Variants in ZBTB7A observed in about 807,000 individuals in gnomAD.
ZBTB7A encodes zinc finger and BTB domain-containing protein 7A.
A neutral mutation model predicts 26.7 loss-of-function variants in ZBTB7A; 7 were observed. The ratio of observed to expected loss-of-function variants is 0.26; its 90% CI spans 0.15 to 0.49. ZBTB7A has a LOEUF of 0.49. Among genes scored for constraint, ZBTB7A ranks in the 20% least tolerant of loss-of-function variants. ZBTB7A has a pLI of 0.98. For missense variants in ZBTB7A, 617 were observed against 919.5 expected (o/e 0.67, Z 4.25); for synonymous variants, 452 against 441.0 (o/e 1.02, Z -0.31).
rs2040452476 is a variant in ZBTB7A at position 4,048,417 on chromosome 19, TG to T, written c.1263-174del. Among the ~76,000 whole-genome samples the T allele has an allele frequency of 6.6e-6, 1 of 151,714 alleles. No homozygotes were observed. Among genetic ancestry groups the T allele is most frequent in the Admixed American group, 6.6e-5 (1 of 15,254 alleles). ...ACGGTCCCTCGAAAAACGAGACGAG[TG>T]GGGGCGATTTCGCATTCTGAACATC... On this transcript the variant is annotated intron_variant, in intron 2 of 2. Coordinates refer to ENST00000322357, the MANE Select transcript of ZBTB7A (RefSeq NM_015898.4). The surrounding 1 kb of genome is among the most constrained non-coding windows in gnomAD (Gnocchi z 6.7).
rs1252264931 is a variant in ZBTB7A, at chr19:4,052,149, C to T, written c.1262+1822G>A. Among the ~76,000 whole-genome samples the T allele has an allele frequency of 2.0e-5, 3 of 152,138 alleles. No individual in the cohort carries two copies. Among genetic ancestry groups the T allele is most frequent in the Non-Finnish European group, 4.4e-5 (3 of 68,024 alleles). ...TTTCTCTGACTGAGGGGATCAGCCCCGGGTCGGGTGGGATAGCCAGCAGTG... is the reference window on the plus strand; with the variant it reads ...TTTCTCTGACTGAGGGGATCAGCCCTGGGTCGGGTGGGATAGCCAGCAGTG... On this transcript the variant is annotated intron_variant, in intron 2 of 2. Coordinates refer to ENST00000322357, the MANE Select transcript of ZBTB7A (RefSeq NM_015898.4). This position sits in a 1 kb window ranked among gnomAD's most constrained non-coding sequence, Gnocchi z 4.9.
In ZBTB7A at chr19:4,048,387, T is replaced by G; in HGVS notation, c.1263-143A>C. 8.2e-7 allele frequency: 1 copy of G among 1,222,756 alleles called. No homozygotes were observed. The highest frequency in any genetic ancestry group is 1.1e-6 in the Non-Finnish European group (1 of 936,926). 75.7% of individuals were successfully genotyped at this position (1,222,756 alleles called of 1,614,324 possible). ...TGCACCAGAGGTTTCGGTGCCCCGA[T>G]GGGGACGGTCCCTCGAAAAACGAGA... is the stretch of plus-strand genomic sequence containing the variant. On this transcript the variant is annotated intron_variant, in intron 2 of 2. Coordinates refer to ENST00000322357, the MANE Select transcript of ZBTB7A (RefSeq NM_015898.4). The surrounding 1 kb of genome is among the most constrained non-coding windows in gnomAD (Gnocchi z 6.7).
intron 2 of ZBTB7A, among the ~76,000 whole-genome samples, chr19:4,051,346 G>A (rs1254654248): frequency 6.6e-6 from 1 of 151,898 alleles, no homozygotes; most frequent in Non-Finnish European, 1.5e-5. Context: ...GTGGGGACTG[G>A]CAAACTCCTA....
chr19:4,058,702 G>T (rs1422055565), intron 1 of ZBTB7A, among the ~76,000 whole-genome samples: 1 of 151,776 alleles, frequency 6.6e-6, no homozygotes, highest in African/African-American at 2.4e-5. Flanking sequence ...CAGCCCAGCA[G>T]CTCAGGCAGG....
chr19:4,057,651 C>T (rs535437123), intron 1 of ZBTB7A, among the ~76,000 whole-genome samples: 4 of 151,698 alleles, frequency 2.6e-5, no homozygotes, highest in East Asian at 3.9e-4. Flanking sequence ...CCTGGTGGCG[C>T]GGGCCTATAG....
chr19:4,055,068 G>A lies in ZBTB7A; in HGVS notation c.165C>T (p.Cys55=). 6.2e-7 allele frequency: 1 copy of A among 1,610,470 alleles called. No homozygotes were observed. Among genetic ancestry groups the A allele is most frequent in the African/African-American group, 1.3e-5 (1 of 75,034 alleles). ...TGAACAGCTTCTTGAAGTACTGGCT[G>A]CAGGCGGCCAGCACCGAGCGGTGCG... ...FPTHRSVLAA[C]SQYFKKLFTS... is the part of the protein sequence containing the mutation. Residue 55 remains cysteine (C), a synonymous_variant, in exon 2 of 3, where the codon TGC becomes TGT. Transcript: ENST00000322357.
At chr19:4,061,173 C>T (rs1479335233) in intron 1 of ZBTB7A, among the ~76,000 whole-genome samples, 1 of 152,250 alleles carries the variant, frequency 6.6e-6, no homozygotes, top group African/African-American at 2.4e-5. Flanking sequence ...TTCACCACCC[C>T]TCACGGATGG....
chr19:4,057,854 G>C (rs2040597703), intron 1 of ZBTB7A, among the ~76,000 whole-genome samples: 1 of 151,594 alleles, frequency 6.6e-6, no homozygotes, highest in Non-Finnish European at 1.5e-5. Flanking sequence ...AACCCCACCG[G>C]CAGCACCCAC....
intron 1 of ZBTB7A, among the ~76,000 whole-genome samples, chr19:4,057,132 T>G (rs2040588721): frequency 6.7e-6 from 1 of 149,612 alleles, no homozygotes; most frequent in Non-Finnish European, 1.5e-5. Flanking sequence ...GCGGATCACC[T>G]AAGGTCTGGA....
At position 4,043,894 on chromosome 19, in the gene ZBTB7A, T is replaced by A. The variant is rs1366093234; in HGVS notation, c.*3858A>T. ...GGCTGCTTCAACTTAAATAACTTTTTAAAATAAAACTGCAAATATAAATAT... is the reference window on the plus strand; with the variant it reads ...GGCTGCTTCAACTTAAATAACTTTTAAAAATAAAACTGCAAATATAAATAT... On this transcript the variant is annotated 3_prime_UTR_variant, in exon 3 of 3. Transcript: ENST00000322357. 1.3e-5 allele frequency among the ~76,000 whole-genome samples: 2 copies of A among 149,726 alleles called. No individual in the cohort carries two copies. The highest frequency in any genetic ancestry group is 1.5e-5 in the Non-Finnish European group (1 of 67,428).
In ZBTB7A at chr19:4,047,979, G is replaced by A. The variant is rs540793033; in HGVS notation, c.1528C>T (p.Pro510Ser). The change falls in exon 3 of 3, where the codon CCC becomes TCC. Residue 510 changes from proline (P) to serine (S), a missense_variant. By Grantham distance (74) the Pro-to-Ser change is moderately conservative. Coordinates refer to ENST00000322357, the MANE Select transcript of ZBTB7A (RefSeq NM_015898.4). ...KPRVRGGAPD[P>S]SPGATATPGA... ...GGGGTCGCGGTGGCCCCCGGGCTGG[G>A]GTCGGGCGCCCCGCCCCGGACGCGG... is the stretch of plus-strand genomic sequence containing the variant. 1 of 1,239,444 alleles carries A rather than the reference G, an allele frequency of 8.1e-7. No individual in the cohort carries two copies. The allele number at this position is 1,239,444 out of a possible 1,614,324, so 76.8% of individuals were successfully genotyped here.
At chr19:4,064,539 T>C (rs2040671899) in intron 1 of ZBTB7A, among the ~76,000 whole-genome samples, 1 of 152,220 alleles carries the variant, frequency 6.6e-6, no homozygotes, top group African/African-American at 2.4e-5. Context: ...CCCCGGGACC[T>C]CTCCCAGACC....
Position 4,057,330 on chromosome 19 carries a change from C to T in ZBTB7A, c.-15-2083G>A, listed in dbSNP as rs113656519. Among the ~76,000 whole-genome samples the T allele has an allele frequency of 1.3e-3, 192 of 152,030 alleles. 1 individual carries two copies. In the South Asian group the frequency reaches 0.015, roughly 12 times the overall value. On this transcript the variant is annotated intron_variant, in intron 1 of 2. Coordinates refer to ENST00000322357, the MANE Select transcript of ZBTB7A (RefSeq NM_015898.4). The stretch of plus-strand genomic sequence containing the variant: ...TGTACTCCAGCCTGGGCAACAAGAG[C>T]GAAACTCCGTGTTGGAAAAATAAAT...
intron 1 of ZBTB7A, 73 bp from the exon 2 acceptor site, chr19:4,055,320 C>T (rs953761771): frequency 1.1e-5 from 15 of 1,421,544 alleles, no homozygotes; most frequent in Middle Eastern, 2.1e-4. Context: ...GACAAGGGCC[C>T]GAGGCCCTTG....
rs943617041 is a variant in ZBTB7A at position 4,054,483 on chromosome 19, G to A, written c.750C>T (p.Asp250=). The A allele has an allele frequency of 4.3e-6, 6 of 1,385,550 alleles. No individual in the cohort carries two copies. In the African/African-American group the frequency reaches 7.7e-5, roughly 18 times the overall value. The allele number at this position is 1,385,550 out of a possible 1,614,324, so 85.8% of individuals were successfully genotyped here. The part of the protein sequence containing the change: ...NPGLWPERDE[D]APTGGLFPPP... ...GCGGAAAGAGACCCCCGGTGGGGGC[G>A]TCCTCATCCCGCTCTGGCCACAGAC... The change falls in exon 2 of 3, where the codon GAC becomes GAT. Residue 250 remains aspartate, a synonymous_variant. Coordinates refer to ENST00000322357, the MANE Select transcript of ZBTB7A (RefSeq NM_015898.4).
In ZBTB7A at chr19:4,047,008, C is replaced by T. The variant is rs1474388722; in HGVS notation, c.*744G>A. 6.6e-6 allele frequency: 1 copy of T among 151,728 alleles called. No homozygotes were observed. The highest frequency in any genetic ancestry group is 1.5e-5 in the Non-Finnish European group (1 of 67,922). The allele number at this position is 151,728 out of a possible 1,614,324, so 9.4% of individuals were successfully genotyped here. ...GCCGTGAAGGAAGGCGGCAGGAGCA[C>T]CCCCAGGAGCCATCCTGGCGCCCCA... On this transcript the variant is annotated 3_prime_UTR_variant, in exon 3 of 3. Transcript: ENST00000322357.
At chr19:4,062,655 C>T (rs921641107) in intron 1 of ZBTB7A, 3 of 152,202 alleles carry the variant, frequency 2.0e-5, no homozygotes, top group Non-Finnish European at 4.4e-5. Context: ...TCCCCCTACC[C>T]TGGGGGCTGA....
intron 2 of ZBTB7A, among the ~76,000 whole-genome samples, chr19:4,049,168 G>GTGTATATATATATATATATATATA (rs1403864466): frequency 6.7e-5 from 1 of 14,960 alleles, no homozygotes; most frequent in Non-Finnish European, 1.2e-4. Context: ...GTGTGTGTGT[G>GTGTATATATATATATATATATATA]TATATATATA....
In ZBTB7A at chr19:4,054,553, T is replaced by C. The variant is rs1332013510; in HGVS notation, c.680A>G (p.Glu227Gly). The C allele has an allele frequency of 1.4e-6, 2 of 1,469,738 alleles. No homozygotes were observed. Among genetic ancestry groups the C allele is most frequent in the Non-Finnish European group, 1.8e-6 (2 of 1,122,590 alleles). 91.0% of individuals were successfully genotyped at this position (1,469,738 alleles called of 1,614,324 possible). A position where few individuals can be genotyped will look rare whatever the true frequency, so the allele number is the denominator to read the frequency against. ...GTCCCCGTCCCCCGTCGGGGGCCGC[T>C]CGGCCGGGGGGCCCGGCCCATAGAA... ...LDFYGPGPPA[E>G]RPPTGDGDEG... Residue 227 changes from glutamate to glycine, a missense_variant, in exon 2 of 3, where the codon GAG becomes GGG. By Grantham distance (98) the Glu-to-Gly change is moderately conservative. Coordinates refer to ENST00000322357, the MANE Select transcript of ZBTB7A (RefSeq NM_015898.4).
Sources: gnomAD v4.1 joint callset for allele counts (sites outside exome capture counted in the v4.1 genomes callset) on GRCh38, gnomAD v4.1.1 for gene constraint, Gnocchi (gnomAD v3.1) non-coding constraint, MANE v1.5 for transcripts, NCBI Gene and HGNC (gene_info 2026-07-23, HGNC 2026-07-21) for gene names.